The following PCDH15 variants were observed in gnomAD, a reference collection of about 807,000 sequenced individuals.
PCDH15 encodes the protein protocadherin related 15.
PCDH15 carries 129 observed loss-of-function variants against 178.5 expected under a neutral mutation model. That is an observed-to-expected ratio of 0.72 (90% CI 0.63 to 0.84). PCDH15 has a LOEUF of 0.84. Among genes scored for constraint, PCDH15 ranks in the 40% least tolerant of loss-of-function variants. PCDH15 has a pLI of 0.00. For synonymous variants in PCDH15, 800 were observed against 732.0 expected, an observed-to-expected ratio of 1.09 and a Z score of -1.50; for missense variants, 2,230 against 2,099.9, an observed-to-expected ratio of 1.06 and a Z score of -1.21.
At chr10:55,431,999 A>G (rs945586116) in intron 2 of PCDH15, among the ~76,000 whole-genome samples, 1 of 152,016 alleles carries the variant, frequency 6.6e-6, no homozygotes, top group African/African-American at 2.4e-5. Context: ...ATTTTCATGC[A>G]CATATGTTAT....
intron 27 of PCDH15, among the ~76,000 whole-genome samples, chr10:53,861,702 T>C (rs1038483376): frequency 6.6e-6 from 1 of 152,194 alleles, no homozygotes; most frequent in African/African-American, 2.4e-5. Context: ...AAGAACATTT[T>C]ACATATTTTT....
At chr10:54,452,746 T>C (rs1263784696) in intron 3 of PCDH15, among the ~76,000 whole-genome samples, 2 of 152,102 alleles carry the variant, frequency 1.3e-5, no homozygotes, top group Non-Finnish European at 2.9e-5. Flanking sequence ...TATGAGAGGG[T>C]CTGAATTCTT....
At chr10:54,478,409 C>A (rs954200167) in intron 3 of PCDH15, among the ~76,000 whole-genome samples, 25 of 152,036 alleles carry the variant, frequency 1.6e-4, no homozygotes, top group African/African-American at 3.6e-4. Context: ...GTAATGATAG[C>A]CAGTTGCACC....
intron 8 of PCDH15, among the ~76,000 whole-genome samples, chr10:54,312,733 A>C (rs1237432669): frequency 6.6e-6 from 1 of 152,096 alleles, no homozygotes; most frequent in African/African-American, 2.4e-5. Context: ...CCCAGCCCTC[A>C]GTTAAAGTGC....
At chr10:53,934,124 A>G in intron 25 of PCDH15, among the ~76,000 whole-genome samples, 1 of 152,034 alleles carries the variant, frequency 6.6e-6, no homozygotes, top group Non-Finnish European at 1.5e-5. Context: ...AATGTGCTCT[A>G]ATACAAAGAG....
At chr10:55,088,295 G>C (rs143779112) in intron 2 of PCDH15, among the ~76,000 whole-genome samples, 1 of 151,212 alleles carries the variant, frequency 6.6e-6, no homozygotes, top group African/African-American at 2.4e-5. Context: ...TTGAGACAGA[G>C]TCTTACTCTG....
chr10:54,484,573 A>T (rs2136986278), intron 3 of PCDH15, among the ~76,000 whole-genome samples: 2 of 152,088 alleles, frequency 1.3e-5, no homozygotes, highest in Middle Eastern at 6.8e-3. Flanking sequence ...CATAGGAGTG[A>T]ATAGTAGCTA....
chr10:55,238,962 T>A (rs144852779), intron 1 of PCDH15, among the ~76,000 whole-genome samples: 2 of 152,254 alleles, frequency 1.3e-5, no homozygotes, highest in Non-Finnish European at 2.9e-5. Flanking sequence ...TTCTATATAT[T>A]TTTTACTTAT....
intron 1 of PCDH15, among the ~76,000 whole-genome samples, chr10:54,703,221 C>G (rs1028223179): frequency 1.3e-5 from 2 of 151,962 alleles, no homozygotes; most frequent in Admixed American, 1.3e-4. Context: ...ATTGAGTAAA[C>G]ATACCACAAA....
intron 18 of PCDH15, among the ~76,000 whole-genome samples, chr10:54,034,340 T>A (rs2093367989): frequency 6.6e-6 from 1 of 151,906 alleles, no homozygotes; most frequent in Non-Finnish European, 1.5e-5. Context: ...CTTGATAACA[T>A]CACAGGGATA....
intron 18 of PCDH15, among the ~76,000 whole-genome samples, chr10:54,030,507 T>A (rs938685747): frequency 6.6e-6 from 1 of 151,922 alleles, no homozygotes; most frequent in Admixed American, 6.6e-5. Flanking sequence ...TAATCATTAT[T>A]GAACAATGGC....
intron 2 of PCDH15, among the ~76,000 whole-genome samples, chr10:54,590,492 T>C (rs529127850): frequency 3.3e-5 from 5 of 152,226 alleles, no homozygotes; most frequent in Admixed American, 6.5e-5. Flanking sequence ...TTTACACATA[T>C]TCGGGACCAA....
At chr10:55,539,958 C>A in intron 2 of PCDH15, among the ~76,000 whole-genome samples, 1 of 152,016 alleles carries the variant, frequency 6.6e-6, no homozygotes, top group Middle Eastern at 3.2e-3. Flanking sequence ...AAACAGGAGA[C>A]AGAGGCATGA....
At chr10:53,932,884 A>G (rs1170299889) in intron 25 of PCDH15, among the ~76,000 whole-genome samples, 1 of 152,044 alleles carries the variant, frequency 6.6e-6, no homozygotes, top group Non-Finnish European at 1.5e-5. Context: ...ATGGAGACAG[A>G]TCCCTCATGG....
intron 1 of PCDH15, among the ~76,000 whole-genome samples, chr10:55,252,211 A>C (rs894305774): frequency 6.6e-6 from 1 of 152,144 alleles, no homozygotes; most frequent in Non-Finnish European, 1.5e-5. Flanking sequence ...CAGAGTTATA[A>C]GCAAAATCCC....
At chr10:55,452,958 G>A (rs1839468556) in intron 2 of PCDH15, among the ~76,000 whole-genome samples, 1 of 152,090 alleles carries the variant, frequency 6.6e-6, no homozygotes. Flanking sequence ...GAACAGTAAA[G>A]GTAGAGAATA....
intron 20 of PCDH15, among the ~76,000 whole-genome samples, chr10:54,013,286 A>C (rs533316554): frequency 1.3e-5 from 2 of 152,316 alleles, no homozygotes; most frequent in Admixed American, 1.3e-4. Context: ...CTACAAAGAG[A>C]CTTCGATTTC....
chr10:54,081,167 T>C (rs561483498), intron 16 of PCDH15, among the ~76,000 whole-genome samples: 341 of 152,186 alleles, frequency 2.2e-3, no homozygotes, highest in Non-Finnish European at 3.6e-3. Context: ...CTTAATTCAT[T>C]CCAGGAAGAA....
chr10:54,841,388 C>T (rs1460379176), intron 3 of PCDH15, among the ~76,000 whole-genome samples: 1 of 151,696 alleles, frequency 6.6e-6, no homozygotes, highest in Admixed American at 6.6e-5. Context: ...CATGTCCAAA[C>T]CTCTTGGACA....
Sources: gnomAD v4.1 joint callset for allele counts (sites outside exome capture counted in the v4.1 genomes callset) on GRCh38, gnomAD v4.1.1 for gene constraint, MANE v1.5 for transcripts, NCBI Gene and HGNC (gene_info 2026-07-23, HGNC 2026-07-21) for gene names.